SVOP: variants seen among roughly 807,000 people sequenced by gnomAD.
SVOP encodes SV2 related protein, also known as synaptic vesicle 2-related protein.
A neutral mutation model predicts 69.1 loss-of-function variants in SVOP; 17 were observed. The ratio of observed to expected loss-of-function variants is 0.25; its 90% CI spans 0.17 to 0.37. The LOEUF (loss-of-function observed/expected upper bound fraction) is 0.37, where lower values mean the gene tolerates loss of function less well. SVOP is among the 10% of genes least tolerant of loss of function. The probability of loss-of-function intolerance (pLI) is 1.00; values close to 1 mark genes in which losing one functional copy is unlikely to be tolerated. For missense variants in SVOP, 435 were observed against 597.5 expected, an observed-to-expected ratio of 0.73 and a Z score of 2.84; for synonymous variants, 238 against 238.6, an observed-to-expected ratio of 1.00 and a Z score of 0.02.
intron 7 of SVOP, among the ~76,000 whole-genome samples, chr12:108,941,984 G>A (rs36157672): frequency 0.56 from 85,748 of 151,950 alleles, 24,822 homozygotes; most frequent in South Asian, 0.66. Flanking sequence ...GTACCATTAA[G>A]CAATAACTCT....
rs192340571 is a variant in SVOP, at chr12:108,937,442, T to C, written c.898-105A>G. On this transcript the variant is annotated intron_variant, in intron 9 of 15. Transcript: ENST00000610966. Reference sequence around the variant, plus strand: ...CACACCAGGCTGGGAGGAAGGTTTCTAGTAAGTAGGACACTGGAGCTCTGA... The same window carrying C: ...CACACCAGGCTGGGAGGAAGGTTTCCAGTAAGTAGGACACTGGAGCTCTGA... 1.7e-5 allele frequency: 19 copies of C among 1,097,594 alleles called. No homozygotes were observed. In the East Asian group the frequency reaches 4.0e-4, roughly 23 times the overall value. The allele number at this position is 1,097,594 out of a possible 1,614,324, so 68.0% of individuals were successfully genotyped here. A position where few individuals can be genotyped will look rare whatever the true frequency, so the allele number is the denominator to read the frequency against.
intron 6 of SVOP, among the ~76,000 whole-genome samples, chr12:108,959,560 G>A (rs2040005524): frequency 6.6e-6 from 1 of 151,950 alleles, no homozygotes; most frequent in South Asian, 2.1e-4. Flanking sequence ...CACCATGTTG[G>A]TCAGGCTGGT....
At chr12:108,972,545 C>T (rs948353950) in intron 4 of SVOP, 69 bp from the exon 5 acceptor site, 21 of 1,471,676 alleles carry the variant, frequency 1.4e-5, no homozygotes, top group African/African-American at 8.4e-5. Context: ...GAACAACAAA[C>T]GGAAGTGGTG....
chr12:108,995,109 C>G (rs559894046), intron 1 of SVOP, among the ~76,000 whole-genome samples: 14 of 151,438 alleles, frequency 9.2e-5, no homozygotes, highest in Non-Finnish European at 1.9e-4. Context: ...CACACCACAG[C>G]ATTCCAGCCT....
intron 10 of SVOP, chr12:108,937,052 G>T: frequency 1.8e-6 from 1 of 557,874 alleles, no homozygotes. Flanking sequence ...GTGATTAAAA[G>T]CAGTCAAGTT....
At chr12:108,971,237 T>C (rs1184008778) in intron 5 of SVOP, among the ~76,000 whole-genome samples, 1 of 152,120 alleles carries the variant, frequency 6.6e-6, no homozygotes, top group East Asian at 1.9e-4. Flanking sequence ...GAGACCAGCC[T>C]GGCCAACATG....
rs922022461 is a variant in SVOP, at chr12:108,912,299, T to G, written c.*236A>C. The G allele has an allele frequency of 7.1e-7, 1 of 1,409,076 alleles. No homozygotes were observed. 87.3% of individuals were successfully genotyped at this position (1,409,076 alleles called of 1,614,324 possible). A position where few individuals can be genotyped will look rare whatever the true frequency, so the allele number is the denominator to read the frequency against. Reference sequence around the variant, plus strand: ...AGTCTTCCCATGTAGATCCACAGGTTATGAACAAAGCTTTCACCACATATA... The same window carrying G: ...AGTCTTCCCATGTAGATCCACAGGTGATGAACAAAGCTTTCACCACATATA... On this transcript the variant is annotated 3_prime_UTR_variant, in exon 16 of 16. Coordinates refer to ENST00000610966, the MANE Select transcript of SVOP (RefSeq NM_018711.5).
intron 6 of SVOP, among the ~76,000 whole-genome samples, chr12:108,945,583 A>C (rs1173563841): frequency 6.6e-6 from 1 of 151,754 alleles, no homozygotes. Context: ...ATTTGTAGAG[A>C]TGTATGTGAC....
At chr12:108,937,445 T>A in intron 9 of SVOP, 108 bp from the exon 10 acceptor site, 2 of 1,051,140 alleles carry the variant, frequency 1.9e-6, no homozygotes, top group Non-Finnish European at 3.0e-6. Context: ...AGGTTTCTAG[T>A]AAGTAGGACA....
At chr12:108,939,700 A>G (rs1236158607) in intron 8 of SVOP, among the ~76,000 whole-genome samples, 1 of 152,110 alleles carries the variant, frequency 6.6e-6, no homozygotes, top group Admixed American at 6.6e-5. Flanking sequence ...GCCCACCAAC[A>G]TTCTGTTTCC....
At chr12:108,961,721 G>A (rs560781760) in intron 5 of SVOP, among the ~76,000 whole-genome samples, 12 of 152,274 alleles carry the variant, frequency 7.9e-5, no homozygotes, top group East Asian at 5.8e-4. Flanking sequence ...AAGTCCAAAC[G>A]TATTTACAAT....
At chr12:108,949,893 A>C (rs922700373) in intron 6 of SVOP, among the ~76,000 whole-genome samples, 5 of 152,020 alleles carry the variant, frequency 3.3e-5, no homozygotes, top group African/African-American at 1.2e-4. Context: ...AAGAATTTAA[A>C]CTTCCCGGGA....
At chr12:108,940,585 A>G (rs1205566173) in intron 8 of SVOP, among the ~76,000 whole-genome samples, 199 bp downstream of exon 8, 6 of 152,186 alleles carry the variant, frequency 3.9e-5, no homozygotes, top group Admixed American at 2.6e-4. Flanking sequence ...AAAACATCCC[A>G]GAAGTGTCTG....
At chr12:108,927,407 G>C (rs1182702638) in intron 11 of SVOP, among the ~76,000 whole-genome samples, 1 of 152,116 alleles carries the variant, frequency 6.6e-6, no homozygotes, top group Admixed American at 6.5e-5. Context: ...CGAGAGGCAT[G>C]ATTTTACCTT....
At chr12:108,960,490 G>A (rs1260183305) in intron 6 of SVOP, among the ~76,000 whole-genome samples, 2 of 152,000 alleles carry the variant, frequency 1.3e-5, no homozygotes, top group African/African-American at 4.8e-5. Context: ...GGAAGAGCGT[G>A]GGAAGCAGCA....
In SVOP at chr12:108,912,490, C is replaced by G; in HGVS notation, c.*45G>C. ...GCCCCAGTTGGGGCCTGCCAGCCCC[C>G]CAAGCTCTGCAGCCTCAAAGACCAG... On this transcript the variant is annotated 3_prime_UTR_variant, in exon 16 of 16. Coordinates refer to ENST00000610966, the MANE Select transcript of SVOP (RefSeq NM_018711.5). The G allele has an allele frequency of 6.2e-7, 1 of 1,609,440 alleles. No homozygotes were observed. Among genetic ancestry groups the G allele is most frequent in the Non-Finnish European group, 8.5e-7 (1 of 1,176,132 alleles).
chr12:108,944,707 A>C (rs752121405), intron 7 of SVOP, among the ~76,000 whole-genome samples: 10 of 152,106 alleles, frequency 6.6e-5, no homozygotes, highest in Non-Finnish European at 1.2e-4. Flanking sequence ...AGGCCACAGA[A>C]ATGGTCAAGA....
chr12:108,950,931 A>G (rs1004193998), intron 6 of SVOP, among the ~76,000 whole-genome samples: 3 of 152,230 alleles, frequency 2.0e-5, no homozygotes, highest in African/African-American at 4.8e-5. Flanking sequence ...CAGACTGAAA[A>G]ATAAAAGAAT....
chr12:108,927,640 G>A lies in SVOP; in HGVS notation c.1049-4843C>T, dbSNP rs183601813. On this transcript the variant is annotated intron_variant, in intron 11 of 15. Transcript: ENST00000610966. ...GGCTCTCACTCTGTTGCCCAGGCTGGAGCAGGATTGTGCAGTGGCACAATC... is the reference window on the plus strand; with the variant it reads ...GGCTCTCACTCTGTTGCCCAGGCTGAAGCAGGATTGTGCAGTGGCACAATC... 8.2e-5 allele frequency among the ~76,000 whole-genome samples: 12 copies of A among 146,278 alleles called. No homozygotes were observed. The East Asian group carries it at 2.0e-3, about 24-fold the overall frequency.
Sources: gnomAD v4.1 joint callset for allele counts (sites outside exome capture counted in the v4.1 genomes callset) on GRCh38, gnomAD v4.1.1 for gene constraint, MANE v1.5 for transcripts, NCBI Gene and HGNC (gene_info 2026-07-23, HGNC 2026-07-21) for gene names.